Variants in PLCB4 observed in about 807,000 individuals in gnomAD.
The protein encoded by PLCB4 is phospholipase C beta 4.
A neutral mutation model predicts 178.8 loss-of-function variants in PLCB4; 77 were observed. That is an observed-to-expected ratio of 0.43 (90% CI 0.36 to 0.52). The LOEUF (loss-of-function observed/expected upper bound fraction) is 0.52. Among genes scored for constraint, PLCB4 ranks in the 20% least tolerant of loss-of-function variants. PLCB4 has a pLI of 0.00. For missense variants in PLCB4, 1,024 were observed against 1,453.4 expected (o/e 0.70, Z 4.80); for synonymous variants, 496 against 490.8 (o/e 1.01, Z -0.14).
intron 32 of PLCB4, among the ~76,000 whole-genome samples, chr20:9,448,901 C>T: frequency 6.6e-6 from 1 of 152,024 alleles, no homozygotes; most frequent in Non-Finnish European, 1.5e-5. Flanking sequence ...TGAGGTTCTG[C>T]CATTTGCAAA....
chr20:9,268,876 G>T (rs1448630206), intron 3 of PLCB4, among the ~76,000 whole-genome samples: 4 of 152,106 alleles, frequency 2.6e-5, no homozygotes, highest in Non-Finnish European at 4.4e-5. Flanking sequence ...TAATGAGAAG[G>T]TATTTTTAGC....
Position 9,393,570 on chromosome 20 carries a change from C to A in PLCB4, c.1324-18C>A, listed in dbSNP as rs756981504. The A allele has an allele frequency of 6.5e-7, 1 of 1,538,130 alleles. No individual in the cohort carries two copies. The highest frequency in any genetic ancestry group is 1.1e-5 in the South Asian group (1 of 89,186). ...AGCACAGCCCTTCCTTAATTCAGCT[C>A]TTTCTGTTTCTCTCTAGCTTGAACC... On this transcript the variant is annotated intron_variant, in intron 17 of 39. Coordinates refer to ENST00000378473, the MANE Select transcript of PLCB4 (RefSeq NM_001377142.1).
At chr20:9,075,780 C>T (rs898866553) in intron 1 of PLCB4, among the ~76,000 whole-genome samples, 1 of 152,194 alleles carries the variant, frequency 6.6e-6, no homozygotes, top group Admixed American at 6.5e-5. Flanking sequence ...AGCATGAAAT[C>T]CAGATTTATT....
intron 1 of PLCB4, among the ~76,000 whole-genome samples, chr20:9,089,253 T>C (rs2090571201): frequency 6.6e-6 from 1 of 151,946 alleles, no homozygotes; most frequent in African/African-American, 2.4e-5. Flanking sequence ...TAATTATCAA[T>C]ATATTTAAAA....
At chr20:9,287,617 G>T (rs959075580) in intron 3 of PLCB4, among the ~76,000 whole-genome samples, 1 of 151,946 alleles carries the variant, frequency 6.6e-6, no homozygotes, top group Non-Finnish European at 1.5e-5. Context: ...AGTTAATATC[G>T]AGTCATGCCA....
Position 9,366,382 on chromosome 20 carries a change from G to A in PLCB4, c.503+868G>A, listed in dbSNP as rs181550888. On this transcript the variant is annotated intron_variant, in intron 9 of 39. Transcript: ENST00000378473. ...ACTGCACTCCAGCCTGGGTGACAGA[G>A]TGAGACTCCATCTCAAAAAAAAAAA... 2.0e-3 allele frequency among the ~76,000 whole-genome samples: 270 copies of A among 134,330 alleles called. 1 individual carries two copies. The highest frequency in any genetic ancestry group is 6.9e-3 in the African/African-American group (247 of 35,812). 88.1% of individuals were successfully genotyped at this position (134,330 alleles called of 152,430 possible). A position where few individuals can be genotyped will look rare whatever the true frequency, so the allele number is the denominator to read the frequency against.
intron 5 of PLCB4, 65 bp from the exon 6 acceptor site, chr20:9,337,943 G>C: frequency 7.7e-7 from 1 of 1,305,756 alleles, no homozygotes; most frequent in African/African-American, 1.5e-5. Context: ...TTGCCAAGCA[G>C]TTTGCCTGTA....
At chr20:9,224,201 TC>T (rs1394387507) in intron 3 of PLCB4, among the ~76,000 whole-genome samples, 1 of 152,154 alleles carries the variant, frequency 6.6e-6, no homozygotes, top group Non-Finnish European at 1.5e-5. Context: ...AGGGACCCTC[TC>T]CATTGCCACT....
intron 2 of PLCB4, among the ~76,000 whole-genome samples, chr20:9,157,944 C>G (rs1032426165): frequency 6.6e-6 from 1 of 152,108 alleles, no homozygotes; most frequent in Non-Finnish European, 1.5e-5. Flanking sequence ...ACAAGCAAAA[C>G]TAATTTATGT....
At chr20:9,338,757 C>T (rs1175853300) in intron 6 of PLCB4, 137 bp from the exon 7 acceptor site, 6 of 637,154 alleles carry the variant, frequency 9.4e-6, no homozygotes, top group Non-Finnish European at 1.1e-5. Flanking sequence ...TTCACCTCTA[C>T]AGGTTTTAGA....
chr20:9,144,725 AAGGAGGG>A lies in PLCB4; in HGVS notation c.-79+48384_-79+48390del, dbSNP rs2092563449. 6.8e-3 allele frequency among the ~76,000 whole-genome samples: 46 copies of A among 6,758 alleles called. 1 individual carries two copies. The highest frequency in any genetic ancestry group is 0.027 in the African/African-American group (37 of 1,346). The allele number at this position is 6,758 out of a possible 152,430, so 4.4% of individuals were successfully genotyped here. ...GGAGGGGAAGAAGGGGAAGAAGGGG[AAGGAGGG>A]GAAGGAGGGGAAGGAGGGGAAGGAG... On this transcript the variant is annotated intron_variant, in intron 2 of 39. Coordinates refer to ENST00000378473, the MANE Select transcript of PLCB4 (RefSeq NM_001377142.1).
chr20:9,164,101 C>T lies in PLCB4; in HGVS notation c.-78-53289C>T, dbSNP rs2092931940. On this transcript the variant is annotated intron_variant, in intron 2 of 39. Transcript: ENST00000378473. ...CTGTGGTCTGAACTTTTTCAATAAA[C>T]TTGTTTTACTTTACCAATTAATTTT... Among the ~76,000 whole-genome samples the T allele has an allele frequency of 5.3e-5, 8 of 152,128 alleles. No homozygotes were observed. The South Asian group carries it at 1.7e-3, about 31-fold the overall frequency.
intron 1 of PLCB4, among the ~76,000 whole-genome samples, chr20:9,093,100 T>C (rs2090755448): frequency 6.6e-6 from 1 of 152,216 alleles, no homozygotes; most frequent in Non-Finnish European, 1.5e-5. Flanking sequence ...ATTTGACACA[T>C]ATTTATTAAA....
chr20:9,338,198 T>G (rs889607276), intron 6 of PLCB4, 131 bp downstream of exon 6: 6 of 655,778 alleles, frequency 9.1e-6, no homozygotes, highest in Admixed American at 4.7e-5. Flanking sequence ...GTTTTGAGAA[T>G]AGCATGTGGT....
chr20:9,343,552 T>G (rs1467348583), intron 7 of PLCB4, among the ~76,000 whole-genome samples: 2 of 152,236 alleles, frequency 1.3e-5, no homozygotes, highest in Non-Finnish European at 2.9e-5. Context: ...TGTGCTTTTT[T>G]CAGTAAAAGA....
intron 7 of PLCB4, among the ~76,000 whole-genome samples, chr20:9,350,474 C>T (rs1213647754): frequency 6.6e-6 from 1 of 152,160 alleles, no homozygotes; most frequent in Non-Finnish European, 1.5e-5. Flanking sequence ...GTGTTTTGAG[C>T]CCAGGCAGTG....
chr20:9,103,072 T>A (rs1329235712), intron 2 of PLCB4, among the ~76,000 whole-genome samples: 1 of 150,688 alleles, frequency 6.6e-6, no homozygotes, highest in Non-Finnish European at 1.5e-5. Context: ...TCTCCCAGGC[T>A]GGAGTGCAGT....
chr20:9,261,242 T>C (rs2094294552), intron 3 of PLCB4, among the ~76,000 whole-genome samples: 1 of 152,014 alleles, frequency 6.6e-6, no homozygotes, highest in Non-Finnish European at 1.5e-5. Context: ...GTGTAGACCA[T>C]GTATAATTTT....
At chr20:9,467,985 T>A (rs985002377) in intron 35 of PLCB4, among the ~76,000 whole-genome samples, 2 of 152,256 alleles carry the variant, frequency 1.3e-5, no homozygotes, top group Non-Finnish European at 2.9e-5. Context: ...ACTTTTTTGC[T>A]ATTCCCTGTG....
Sources: allele counts gnomAD v4.1 joint callset (sites outside exome capture counted in the v4.1 genomes callset), GRCh38; gene constraint gnomAD v4.1.1; transcripts MANE v1.5; gene names NCBI Gene and HGNC (gene_info 2026-07-23, HGNC 2026-07-21).